Variants in FAM167A observed in about 807,000 individuals in gnomAD.
FAM167A encodes the protein family with sequence similarity 167 member A.
FAM167A carries 23 observed loss-of-function variants against 14.9 expected under a neutral mutation model. That is an observed-to-expected ratio of 1.55 (90% CI 1.11 to 2.19). The LOEUF (loss-of-function observed/expected upper bound fraction) is 2.19, where lower values mean the gene tolerates loss of function less well. Ranked by LOEUF, FAM167A falls within the 30% of genes most tolerant of loss-of-function variation. The pLI is 0.00. For synonymous variants in FAM167A, 174 were observed against 117.7 expected, an observed-to-expected ratio of 1.48 and a Z score of -3.10; for missense variants, 401 against 281.5, an observed-to-expected ratio of 1.42 and a Z score of -3.04.
intron 1 of FAM167A, among the ~76,000 whole-genome samples, chr8:11,447,183 C>CTTTTTT (rs1554528477): frequency 6.8e-6 from 1 of 147,016 alleles, no homozygotes; most frequent in East Asian, 2.0e-4. Context: ...GGTTTCTTTT[C>CTTTTTT]TTTTTCTTTT....
At chr8:11,452,455 T>G (rs1807064983) in intron 1 of FAM167A, among the ~76,000 whole-genome samples, 1 of 152,154 alleles carries the variant, frequency 6.6e-6, no homozygotes, top group South Asian at 2.1e-4. Context: ...CTGGGCTGTT[T>G]CAGGACTGTG....
chr8:11,470,458 C>T (rs867597266), upstream of FAM167A, among the ~76,000 whole-genome samples: 1 of 152,140 alleles, frequency 6.6e-6, no homozygotes, highest in African/African-American at 2.4e-5. Context: ...ACATCAGAGA[C>T]AGGGCAGGGC....
chr8:11,441,017 G>C (rs1386969088), intron 2 of FAM167A, among the ~76,000 whole-genome samples: 1 of 152,194 alleles, frequency 6.6e-6, no homozygotes, highest in Non-Finnish European at 1.5e-5. Flanking sequence ...GTTTTTGCAA[G>C]TTGCTTTCTA....
In FAM167A at chr8:11,450,052, G is replaced by A. The variant is rs550568980; in HGVS notation, c.-397-5244C>T. 8.5e-5 allele frequency among the ~76,000 whole-genome samples: 13 copies of A among 152,228 alleles called. No individual in the cohort carries two copies. In the South Asian group the frequency reaches 1.9e-3, roughly 22 times the overall value. On this transcript the variant is annotated intron_variant, in intron 1 of 2. Coordinates refer to ENST00000284486, the MANE Select transcript of FAM167A (RefSeq NM_053279.3). ...TCGCATTCTCCACTAGAACCCTTTC[G>A]TTTCTTCTCCATAAGACACAATCTT...
chr8:11,475,095 C>T (rs1797825079), intron 1 of FAM167A, among the ~76,000 whole-genome samples: 1 of 152,148 alleles, frequency 6.6e-6, no homozygotes, highest in African/African-American at 2.4e-5. Flanking sequence ...GGCCTTGATC[C>T]AGCAGACTGG....
intron 2 of FAM167A, among the ~76,000 whole-genome samples, chr8:11,430,114 A>G (rs909835852): frequency 4.6e-5 from 7 of 152,302 alleles, no homozygotes; most frequent in Admixed American, 1.3e-4. Flanking sequence ...AGGCTCTACC[A>G]TAGGATGTGC....
Position 11,444,358 on chromosome 8 carries a change from T to G in FAM167A, c.54A>C (p.Gly18=). 1 of 1,593,210 alleles carries G rather than the reference T, an allele frequency of 6.3e-7. No individual in the cohort carries two copies. Among genetic ancestry groups the G allele is most frequent in the Non-Finnish European group, 8.5e-7 (1 of 1,170,156 alleles). ...VEEVGAEEGA[G]AAAPPDDHLR... ...GGTGGTCATCGGGTGGTGCGGCTGC[T>G]CCCGCCCCCTCTTCTGCACCCACTT... Residue 18 remains glycine (G), a synonymous_variant, in exon 2 of 3, where the codon GGA becomes GGC. Coordinates refer to ENST00000284486, the MANE Select transcript of FAM167A (RefSeq NM_053279.3).
rs1804776904 is a variant in FAM167A, at chr8:11,422,180, C to G, written c.*2193G>C. ...AACTAAATCACTCAGTTGCATCCAACTTAATTGGACTGACTACATTCAGCT... is the reference window on the plus strand; with the variant it reads ...AACTAAATCACTCAGTTGCATCCAAGTTAATTGGACTGACTACATTCAGCT... On this transcript the variant is annotated 3_prime_UTR_variant, in exon 3 of 3. Transcript: ENST00000284486. 9.6e-6 allele frequency: 2 copies of G among 209,186 alleles called. No homozygotes were observed. The highest frequency in any genetic ancestry group is 1.9e-5 in the Non-Finnish European group (2 of 105,912). 13.0% of individuals were successfully genotyped at this position (209,186 alleles called of 1,614,324 possible). A position where few individuals can be genotyped will look rare whatever the true frequency, so the allele number is the denominator to read the frequency against.
rs1023808342 is a variant in FAM167A at position 11,426,194 on chromosome 8, C to T, written c.382-1558G>A. On this transcript the variant is annotated intron_variant, in intron 2 of 2. Transcript: ENST00000284486. ...AAAATATCTTTGAATCTACCTAAGA[C>T]CTGTAAGCACCCCCACCCTCCAAGC... Among the ~76,000 whole-genome samples the T allele has an allele frequency of 5.9e-5, 9 of 152,158 alleles. No individual in the cohort carries two copies. The East Asian group carries it at 1.7e-3, about 29-fold the overall frequency.
chr8:11,441,815 C>T (rs1001027203), intron 2 of FAM167A, among the ~76,000 whole-genome samples: 3 of 152,226 alleles, frequency 2.0e-5, no homozygotes, highest in African/African-American at 7.2e-5. Context: ...AGTCCTGTTT[C>T]TCTCTCTGCC....
intron 2 of FAM167A, among the ~76,000 whole-genome samples, chr8:11,437,816 A>ACGCTCTAGGTGCCTCACCCAGTAGTC (rs1806134471): frequency 6.6e-6 from 1 of 152,208 alleles, no homozygotes; most frequent in African/African-American, 2.4e-5. Flanking sequence ...GTGAATGGGA[A>ACGCTCTAGGTGCCTCACCCAGTAGTC]ATAAGGAGAA....
chr8:11,443,741 T>C (rs950747924), intron 2 of FAM167A: 17 of 351,850 alleles, frequency 4.8e-5, no homozygotes, highest in African/African-American at 2.2e-4. Flanking sequence ...GGGAGCGGTG[T>C]TGGGGGGAGG....
intron 2 of FAM167A, chr8:11,434,928 G>C (rs1310732243): frequency 2.4e-6 from 1 of 419,952 alleles, no homozygotes; most frequent in Non-Finnish European, 4.8e-6. Context: ...CTGCTGGCTG[G>C]GTGAGGACAG....
chr8:11,441,755 T>C lies in FAM167A; in HGVS notation c.381+2276A>G, dbSNP rs375358974. 6.1e-3 allele frequency among the ~76,000 whole-genome samples: 925 copies of C among 152,348 alleles called. 12 individuals carry two copies. Among genetic ancestry groups the C allele is most frequent in the African/African-American group, 0.021 (881 of 41,564 alleles). ...AATGGACACAGTGAGGGCAATCATG[T>C]AGTCTTGTTGTAAGAATCAGAGATC... On this transcript the variant is annotated intron_variant, in intron 2 of 2. Transcript: ENST00000284486.
intron 1 of FAM167A, among the ~76,000 whole-genome samples, chr8:11,453,845 G>T (rs1200899899): frequency 1.3e-5 from 2 of 152,190 alleles, no homozygotes; most frequent in African/African-American, 4.8e-5. Context: ...CTGCAGGGAA[G>T]GCTGGGTCTT....
In FAM167A at chr8:11,424,657, G is replaced by T. The variant is rs752970462; in HGVS notation, c.382-21C>A. The T allele has an allele frequency of 4.3e-6, 7 of 1,611,094 alleles. No individual in the cohort carries two copies. The South Asian group carries it at 7.7e-5, about 18-fold the overall frequency. ...TCCGTCTGGAAGGGAGGGGGAGCAGGCAGGGTCAGCAGAGAGTGGCTCGAG... is the reference window on the plus strand; with the variant it reads ...TCCGTCTGGAAGGGAGGGGGAGCAGTCAGGGTCAGCAGAGAGTGGCTCGAG... On this transcript the variant is annotated intron_variant, in intron 2 of 2. Transcript: ENST00000284486.
intron 2 of FAM167A, among the ~76,000 whole-genome samples, chr8:11,436,662 T>C (rs1228721008): frequency 6.6e-6 from 1 of 152,240 alleles, no homozygotes; most frequent in Admixed American, 6.5e-5. Flanking sequence ...CTGGAAGCTT[T>C]AGCCAAGGTG....
At chr8:11,452,733 G>T (rs1298246691) in intron 1 of FAM167A, among the ~76,000 whole-genome samples, 1 of 152,310 alleles carries the variant, frequency 6.6e-6, no homozygotes, top group African/African-American at 2.4e-5. Flanking sequence ...ATAAACAGAC[G>T]TGACGGCCTG....
At chr8:11,441,556 G>A (rs940142845) in intron 2 of FAM167A, among the ~76,000 whole-genome samples, 3 of 152,190 alleles carry the variant, frequency 2.0e-5, no homozygotes, top group East Asian at 1.9e-4. Context: ...GCTGCTCTTT[G>A]AGCATGCCCA....
Sources: allele counts gnomAD v4.1 joint callset (sites outside exome capture counted in the v4.1 genomes callset), GRCh38; gene constraint gnomAD v4.1.1; transcripts MANE v1.5; gene names NCBI Gene and HGNC (gene_info 2026-07-23, HGNC 2026-07-21).